The following TSPEAR variants were observed in gnomAD, a reference collection of about 807,000 sequenced individuals.
The protein encoded by TSPEAR is thrombospondin type laminin G domain and EAR repeats, also known as thrombospondin-type laminin G domain and EAR repeat-containing protein.
Under a neutral mutation model 71.6 loss-of-function variants are expected in TSPEAR, and 69 were observed. The ratio of observed to expected loss-of-function variants is 0.96; its 90% CI spans 0.79 to 1.18. The LOEUF (loss-of-function observed/expected upper bound fraction) is 1.18. Ranked by LOEUF, TSPEAR falls within the 50% of genes most tolerant of loss-of-function variation. The pLI is 0.00. For synonymous variants in TSPEAR, 402 were observed against 387.2 expected (o/e 1.04, Z -0.45); for missense variants, 971 against 894.9 (o/e 1.09, Z -1.09).
At chr21:44,503,286 G>A (rs1555911395) in intron 11 of TSPEAR, among the ~76,000 whole-genome samples, 1 of 141,544 alleles carries the variant, frequency 7.1e-6, no homozygotes, top group South Asian at 2.3e-4. Context: ...GCCTCGGTGA[G>A]CCCTCGGGGG....
chr21:44,596,479 A>C (rs1180176791), intron 1 of TSPEAR, among the ~76,000 whole-genome samples: 2 of 152,202 alleles, frequency 1.3e-5, no homozygotes, highest in African/African-American at 4.8e-5. Flanking sequence ...CATGGCTGTG[A>C]TACCTTTGCA....
intron 1 of TSPEAR, chr21:44,697,182 C>G (rs1460291509): frequency 6.2e-7 from 1 of 1,609,092 alleles, no homozygotes; most frequent in Non-Finnish European, 8.5e-7. Flanking sequence ...AGCTCAACCC[C>G]CAGCACGGCT....
Position 44,547,738 on chromosome 21 carries a change from C to T in TSPEAR, c.304-13815G>A, listed in dbSNP as rs139524424. Among the ~76,000 whole-genome samples, 146 of 152,298 alleles carry T rather than the reference C, an allele frequency of 9.6e-4. 1 individual carries two copies. The highest frequency in any genetic ancestry group is 3.4e-3 in the African/African-American group (140 of 41,570). On this transcript the variant is annotated intron_variant, in intron 2 of 11. Transcript: ENST00000323084. ...GTATTGGTCCACACCCCCCAGCACTCGGCTGGGGAGTTTGCGACTCTGCCT... is the reference window on the plus strand; with the variant it reads ...GTATTGGTCCACACCCCCCAGCACTTGGCTGGGGAGTTTGCGACTCTGCCT...
rs781934498 is a variant in TSPEAR, at chr21:44,499,798, C to T, written c.1995G>A (p.Arg665=). Residue 665 remains arginine, a synonymous_variant, in exon 12 of 12, where the codon CGG becomes CGA. Transcript: ENST00000323084. The part of the protein sequence containing the change: ...SAKEPLSRVL[R]LRTR Reference sequence around the variant, plus strand: ...AGCCGCGGCCTCAGCGTGTCCTCAGCCGCAGGACCCTGGAGAGGGGCTCCT... The same window carrying T: ...AGCCGCGGCCTCAGCGTGTCCTCAGTCGCAGGACCCTGGAGAGGGGCTCCT... 15 of 1,571,546 alleles carry T rather than the reference C, an allele frequency of 9.5e-6. No homozygotes were observed. In the Admixed American group the frequency reaches 1.3e-4, roughly 13 times the overall value.
At chr21:44,604,836 T>C (rs1430430519) in intron 1 of TSPEAR, among the ~76,000 whole-genome samples, 2 of 152,226 alleles carry the variant, frequency 1.3e-5, no homozygotes, top group Admixed American at 1.3e-4. Flanking sequence ...TTGCATCTAT[T>C]GGGGTGATCA....
chr21:44,649,535 C>G (rs1409365090), intron 1 of TSPEAR, among the ~76,000 whole-genome samples: 1 of 152,198 alleles, frequency 6.6e-6, no homozygotes, highest in Non-Finnish European at 1.5e-5. Flanking sequence ...CACTCATACC[C>G]AGGACGTGCC....
intron 1 of TSPEAR, chr21:44,666,766 G>A: frequency 6.2e-7 from 1 of 1,612,126 alleles, no homozygotes; most frequent in Non-Finnish European, 8.5e-7. Flanking sequence ...ACGGAGGACT[G>A]GCAGCCCACA....
chr21:44,703,568 G>T (rs1987760979), intron 1 of TSPEAR, among the ~76,000 whole-genome samples: 1 of 152,202 alleles, frequency 6.6e-6, no homozygotes, highest in Admixed American at 6.5e-5. Context: ...CTGGGGTGGG[G>T]CCTCCCTCTC....
intron 1 of TSPEAR, chr21:44,579,861 A>C (rs868964445): frequency 7.5e-6 from 12 of 1,598,260 alleles, no homozygotes; most frequent in Non-Finnish European, 1.0e-5. Context: ...GGGGCACAGC[A>C]GGAGGAGATG....
intron 1 of TSPEAR, among the ~76,000 whole-genome samples, chr21:44,660,328 CA>C (rs1178977063): frequency 1.1e-4 from 16 of 152,162 alleles, no homozygotes; most frequent in Non-Finnish European, 2.4e-4. Context: ...CTAGACATGT[CA>C]CATTAAATCT....
chr21:44,533,865 A>G lies in TSPEAR; in HGVS notation c.362T>C (p.Leu121Pro), dbSNP rs782715737. Residue 121 changes from leucine to proline, a missense_variant, in exon 3 of 12, where the codon CTG (leucine) becomes CCG (proline). By Grantham distance (98) the Leu-to-Pro change is moderately conservative. Coordinates refer to ENST00000323084, the MANE Select transcript of TSPEAR (RefSeq NM_144991.3). ...AEESDLLLLG[L>P]RLSPAQLHFL... ...GTGCAGCTGGGCAGGTGACAACCGC[A>G]GGCCGAGCAGCAGCAGGTCGCTCTC... 2.9e-5 allele frequency: 47 copies of G among 1,612,148 alleles called. No individual in the cohort carries two copies. The Admixed American group carries it at 7.5e-4, about 26-fold the overall frequency.
chr21:44,675,527 A>ATT (rs34151967), intron 1 of TSPEAR, among the ~76,000 whole-genome samples: 20 of 150,704 alleles, frequency 1.3e-4, no homozygotes, highest in Admixed American at 6.6e-4. Flanking sequence ...ACAAGGATGC[A>ATT]TTTTTTTTTT....
At chr21:44,567,337 A>G (rs1249644616) in intron 2 of TSPEAR, among the ~76,000 whole-genome samples, 1 of 123,844 alleles carries the variant, frequency 8.1e-6, no homozygotes, top group Non-Finnish European at 2.0e-5. Context: ...GCACTGTCCC[A>G]GAAACCGTGG....
intron 2 of TSPEAR, among the ~76,000 whole-genome samples, chr21:44,548,661 G>T (rs1192973934): frequency 1.3e-5 from 2 of 152,188 alleles, no homozygotes; most frequent in Non-Finnish European, 2.9e-5. Context: ...GCTGGCCGGG[G>T]ACGGTGGGTT....
chr21:44,504,023 CA>C, intron 11 of TSPEAR, among the ~76,000 whole-genome samples: 1 of 140,700 alleles, frequency 7.1e-6, no homozygotes, highest in East Asian at 2.2e-4. Context: ...GGTGAGCCCT[CA>C]GCAGGAAGCA....
chr21:44,510,962 A>G (rs1390191091), intron 9 of TSPEAR: 2 of 152,122 alleles, frequency 1.3e-5, no homozygotes, highest in Non-Finnish European at 2.9e-5. Flanking sequence ...GACTATTCCT[A>G]TCTGCTGGAG....
intron 1 of TSPEAR, chr21:44,676,920 A>T: frequency 1.1e-6 from 1 of 882,962 alleles, no homozygotes; most frequent in Non-Finnish European, 1.9e-6. Flanking sequence ...GACGATGTGC[A>T]CGGGCAATCA....
In TSPEAR at chr21:44,509,207, G is replaced by A. The variant is rs147258456; in HGVS notation, c.1746C>T (p.Leu582=). ...CCTGTGGAGGCGCATACCTGCAGGT[G>A]AGAATGTCCTGGAACTTGACAAAGG... The part of the protein sequence containing the change: ...AQAFVKFQDI[L]TCSALDWEFF... The change falls in exon 10 of 12, where the codon CTC becomes CTT. Residue 582 remains leucine, a synonymous_variant. Transcript: ENST00000323084. 3,781 of 1,613,766 alleles carry A rather than the reference G, an allele frequency of 2.3e-3. 16 individuals are homozygous for A. The highest frequency in any genetic ancestry group is 2.2e-3 in the Non-Finnish European group (2,620 of 1,179,820).
At chr21:44,661,353 T>TG in intron 1 of TSPEAR, among the ~76,000 whole-genome samples, 1 of 149,942 alleles carries the variant, frequency 6.7e-6, no homozygotes, top group South Asian at 2.1e-4. Flanking sequence ...CAGTGCATTG[T>TG]GGGGTTTTTA....
Sources: allele counts gnomAD v4.1 joint callset (sites outside exome capture counted in the v4.1 genomes callset), GRCh38; gene constraint gnomAD v4.1.1; transcripts MANE v1.5; gene names NCBI Gene and HGNC (gene_info 2026-07-23, HGNC 2026-07-21).